Variants in DNAAF9 observed in about 807,000 individuals in gnomAD.
DNAAF9 encodes dynein axonemal assembly factor 9, also known as shulin.
A neutral mutation model predicts 167.0 loss-of-function variants in DNAAF9; 90 were observed. The observed-to-expected ratio is 0.54, with a 90% CI of 0.45 to 0.64. The LOEUF is 0.64. Ranked by LOEUF, DNAAF9 falls within the 30% of genes least tolerant of loss-of-function variation. DNAAF9 has a pLI of 0.00. For synonymous variants in DNAAF9, 491 were observed against 508.8 expected (o/e 0.96, Z 0.47); for missense variants, 1,315 against 1,442.2 (o/e 0.91, Z 1.43).
At chr20:3,375,649 C>T (rs2083565539) in intron 4 of DNAAF9, among the ~76,000 whole-genome samples, 1 of 152,146 alleles carries the variant, frequency 6.6e-6, no homozygotes, top group African/African-American at 2.4e-5. Flanking sequence ...CACCTAAAGT[C>T]AGGAGTTTGA....
intron 7 of DNAAF9, among the ~76,000 whole-genome samples, chr20:3,351,888 A>T (rs781340384): frequency 6.6e-5 from 10 of 151,760 alleles, no homozygotes; most frequent in Non-Finnish European, 1.2e-4. Flanking sequence ...TTGCTCTGTC[A>T]CCCAGGCGTG....
Position 3,259,934 on chromosome 20 carries a change from C to A in DNAAF9, c.2968G>T (p.Ala990Ser). 6.2e-7 allele frequency: 1 copy of A among 1,601,516 alleles called. No homozygotes were observed. The highest frequency in any genetic ancestry group is 8.6e-7 in the Non-Finnish European group (1 of 1,168,380). The change falls in exon 32 of 37, where the codon GCC becomes TCC. Residue 990 changes from alanine to serine, a missense_variant. Physicochemically the swap from Ala to Ser is moderately conservative, Grantham distance 99. Transcript: ENST00000252032. ...AGTCAAGGCTTACCTTTACATTTGG[C>A]CACAAAGCGAGTCTTCTCCAAGGGA... is the stretch of plus-strand genomic sequence containing the variant. Reference protein sequence around the residue: ...GRPLEKTRFVAKCKAIQSSIK... With the variant: ...GRPLEKTRFVSKCKAIQSSIK...
chr20:3,316,931 G>A lies in DNAAF9; in HGVS notation c.1469-138C>T, dbSNP rs566025931. ...TTTTTTTGAGACAGAATCTTGTTCT[G>A]TCACCCAGGCTGGAGTGCAGTGGCG... On this transcript the variant is annotated intron_variant, in intron 17 of 36. Transcript: ENST00000252032. 3.7e-4 allele frequency: 180 copies of A among 487,996 alleles called. No homozygotes were observed. The Admixed American group carries it at 4.2e-3, about 11-fold the overall frequency. The allele number at this position is 487,996 out of a possible 1,614,324, so 30.2% of individuals were successfully genotyped here.
intron 30 of DNAAF9, among the ~76,000 whole-genome samples, chr20:3,265,374 G>A (rs367800546): frequency 2.2e-4 from 34 of 151,974 alleles, no homozygotes; most frequent in African/African-American, 8.0e-4. Flanking sequence ...AGACCAGCCT[G>A]GCCAACATGG....
At chr20:3,356,916 AG>A (rs1179809676) in intron 7 of DNAAF9, among the ~76,000 whole-genome samples, 10 of 152,200 alleles carry the variant, frequency 6.6e-5, no homozygotes, top group African/African-American at 9.7e-5. Flanking sequence ...GGAAAAAAAA[AG>A]GTATGAAAAA....
At position 3,407,655 on chromosome 20, in the gene DNAAF9, C is replaced by A. The variant is rs1364449194; in HGVS notation, c.-98G>T. On this transcript the variant is annotated 5_prime_UTR_variant, in exon 1 of 37. Transcript: ENST00000252032. ...CGCTAGCTGCGGCCGGGCGGGGCGGCAGGGCGTGCCGGGTGGGAGGGGGCG... is the reference window on the plus strand; with the variant it reads ...CGCTAGCTGCGGCCGGGCGGGGCGGAAGGGCGTGCCGGGTGGGAGGGGGCG... The A allele has an allele frequency of 9.0e-7, 1 of 1,109,060 alleles. No individual in the cohort carries two copies. The highest frequency in any genetic ancestry group is 1.7e-5 in the African/African-American group (1 of 58,608). The allele number at this position is 1,109,060 out of a possible 1,614,324, so 68.7% of individuals were successfully genotyped here.
chr20:3,280,640 T>C (rs1007430203), intron 28 of DNAAF9, among the ~76,000 whole-genome samples: 1 of 151,844 alleles, frequency 6.6e-6, no homozygotes, highest in African/African-American at 2.4e-5. Context: ...TTTTTTGAGA[T>C]AGCGTCTCAC....
chr20:3,350,538 AG>A (rs1167695030), intron 7 of DNAAF9, among the ~76,000 whole-genome samples: 5 of 152,222 alleles, frequency 3.3e-5, no homozygotes, highest in Non-Finnish European at 5.9e-5. Context: ...GAAGAGATTT[AG>A]AAACAATGGC....
At chr20:3,376,069 A>G (rs1293699591) in intron 4 of DNAAF9, 109 bp downstream of exon 4, 4 of 987,578 alleles carry the variant, frequency 4.1e-6, no homozygotes, top group Non-Finnish European at 6.0e-6. Context: ...AATCTTTTTT[A>G]TATAGTCACA....
intron 6 of DNAAF9, among the ~76,000 whole-genome samples, chr20:3,370,872 CTCT>C (rs2083498008): frequency 6.6e-6 from 1 of 152,164 alleles, no homozygotes; most frequent in Admixed American, 6.5e-5. Flanking sequence ...CCACCCAAAT[CTCT>C]TCTTTGTTTT....
At chr20:3,299,154 G>T (rs1158703838) in intron 21 of DNAAF9, among the ~76,000 whole-genome samples, 3 of 151,474 alleles carry the variant, frequency 2.0e-5, no homozygotes, top group East Asian at 2.0e-4. Flanking sequence ...TAATCCGCCC[G>T]CCTTGGCCTC....
chr20:3,279,291 G>A (rs1270528331), intron 28 of DNAAF9, among the ~76,000 whole-genome samples: 1 of 152,174 alleles, frequency 6.6e-6, no homozygotes, highest in African/African-American at 2.4e-5. Context: ...ATATTTCAAG[G>A]GAAAATAAGA....
In DNAAF9 at chr20:3,374,054, T is replaced by C. The variant is rs1025325434; in HGVS notation, c.606A>G (p.Lys202=). 1.2e-6 allele frequency: 2 copies of C among 1,604,734 alleles called. No individual in the cohort carries two copies. The highest frequency in any genetic ancestry group is 1.7e-6 in the Non-Finnish European group (2 of 1,171,452). The part of the protein sequence containing the change: ...GIGGDGFFTM[K]YELQDVSLNL... Reference sequence around the variant, plus strand: ...TACTGCTTTTCATACATACCTCATATTTCATGGTAAAAAATCCATCCCCTC... The same window carrying C: ...TACTGCTTTTCATACATACCTCATACTTCATGGTAAAAAATCCATCCCCTC... Residue 202 remains lysine (K), a synonymous_variant, in exon 6 of 37, where the codon AAA becomes AAG. Coordinates refer to ENST00000252032, the MANE Select transcript of DNAAF9 (RefSeq NM_001009984.3).
chr20:3,345,180 G>A lies in DNAAF9; in HGVS notation c.790-1449C>T, dbSNP rs149035940. 4.2e-3 allele frequency among the ~76,000 whole-genome samples: 636 copies of A among 152,062 alleles called. 9 individuals carry two copies. The highest frequency in any genetic ancestry group is 0.015 in the African/African-American group (603 of 41,462). ...ATTACAGGTGTGCATCACCACAGCCGGCTAATTTTGCGTTTTTAGTAGAGA... is the reference window on the plus strand; with the variant it reads ...ATTACAGGTGTGCATCACCACAGCCAGCTAATTTTGCGTTTTTAGTAGAGA... On this transcript the variant is annotated intron_variant, in intron 8 of 36. Coordinates refer to ENST00000252032, the MANE Select transcript of DNAAF9 (RefSeq NM_001009984.3).
At chr20:3,291,068 C>A (rs1056914344) in intron 25 of DNAAF9, among the ~76,000 whole-genome samples, 1 of 152,104 alleles carries the variant, frequency 6.6e-6, no homozygotes, top group Admixed American at 6.5e-5. Context: ...GAATTACAGG[C>A]GTGAGCCACC....
intron 10 of DNAAF9, among the ~76,000 whole-genome samples, chr20:3,338,096 A>C (rs886827080): frequency 2.0e-5 from 3 of 150,248 alleles, no homozygotes; most frequent in African/African-American, 7.3e-5. Flanking sequence ...ACACACATAC[A>C]TACATACACA....
intron 7 of DNAAF9, among the ~76,000 whole-genome samples, chr20:3,353,642 C>CT (rs1250928428): frequency 1.5e-5 from 2 of 135,126 alleles, no homozygotes; most frequent in South Asian, 2.9e-4. Flanking sequence ...CACCACCCCC[C>CT]CCCCCGCAAA....
intron 10 of DNAAF9, among the ~76,000 whole-genome samples, chr20:3,337,837 T>C (rs1235221667): frequency 6.6e-6 from 1 of 151,996 alleles, no homozygotes; most frequent in African/African-American, 2.4e-5. Flanking sequence ...TGTAATCACC[T>C]ATACAGTTAC....
At position 3,324,877 on chromosome 20, in the gene DNAAF9, T is replaced by C; in HGVS notation, c.1265+15A>G. Reference sequence around the variant, plus strand: ...GAAAAAAAATTCCTTATAAAAAATATCAGCCATTGCTTACCGCAGGGCTGC... The same window carrying C: ...GAAAAAAAATTCCTTATAAAAAATACCAGCCATTGCTTACCGCAGGGCTGC... On this transcript the variant is annotated intron_variant, in intron 14 of 36. Coordinates refer to ENST00000252032, the MANE Select transcript of DNAAF9 (RefSeq NM_001009984.3). 1 of 1,387,784 alleles carries C rather than the reference T, an allele frequency of 7.2e-7. No individual in the cohort carries two copies. 86.0% of individuals were successfully genotyped at this position (1,387,784 alleles called of 1,614,324 possible).
Sources: allele counts gnomAD v4.1 joint callset (sites outside exome capture counted in the v4.1 genomes callset), GRCh38; gene constraint gnomAD v4.1.1; transcripts MANE v1.5; gene names NCBI Gene and HGNC (gene_info 2026-07-23, HGNC 2026-07-21).